The following DMD variants were observed in gnomAD, a reference collection of about 807,000 sequenced individuals.
DMD encodes the protein mutant dystrophin.
In DMD, 63 loss-of-function variants were observed where a neutral mutation model predicts 330.1. That is an observed-to-expected ratio of 0.19 (90% CI 0.16 to 0.24). The LOEUF is 0.24. Ranked by LOEUF, DMD falls within the 10% of genes least tolerant of loss-of-function variation. DMD has a pLI of 1.00. For synonymous variants in DMD, 1,223 were observed against 959.8 expected (o/e 1.27, Z -5.07); for missense variants, 3,344 against 2,684.1 (o/e 1.25, Z -5.43).
chrX:31,573,540 C>T (rs2075932927), intron 55 of DMD, among the ~76,000 whole-genome samples: 1 of 111,806 alleles, frequency 8.9e-6, no homozygotes, highest in Non-Finnish European at 1.9e-5. Flanking sequence ...TATCAAAAGA[C>T]ATGATAATCA....
In DMD at chrX:31,800,489, G is replaced by GT. The variant is rs201261716; in HGVS notation, c.7309+19485dup. On this transcript the variant is annotated intron_variant, in intron 50 of 78. Coordinates refer to ENST00000357033, the MANE Select transcript of DMD (RefSeq NM_004006.3). ...AGCAGCACGGCCCTGTGCCTGGCCC[G>GT]TGAAACCATGTTTTCCTTTTAGGCC... Among the ~76,000 whole-genome samples the GT allele has an allele frequency of 5.8e-3, 654 of 112,037 alleles. 4 individuals carry two copies. The highest frequency in any genetic ancestry group is 0.032 in the Middle Eastern group (7 of 217).
intron 2 of DMD, among the ~76,000 whole-genome samples, chrX:32,885,501 C>A (rs1324608097): frequency 9.0e-6 from 1 of 111,366 alleles, no homozygotes; most frequent in East Asian, 2.8e-4. Flanking sequence ...AAAACATGCA[C>A]ATTACTTTTT....
chrX:33,220,194 C>T (rs1015184537), intron 1 of DMD, among the ~76,000 whole-genome samples: 4 of 111,189 alleles, frequency 3.6e-5, no homozygotes, highest in Non-Finnish European at 5.7e-5. Context: ...GTTGGTGATA[C>T]AAATGAAGAG....
At chrX:31,435,612 C>G (rs1036910683) in intron 60 of DMD, 8 of 111,914 alleles carry the variant, frequency 7.1e-5, no homozygotes, top group African/African-American at 2.6e-4. Context: ...ATGGAGTTGG[C>G]TTTAACACGC....
intron 52 of DMD, among the ~76,000 whole-genome samples, chrX:31,681,243 G>A (rs1195134869): frequency 1.8e-5 from 2 of 111,917 alleles, no homozygotes; most frequent in Non-Finnish European, 3.8e-5. Flanking sequence ...CTGGACATAC[G>A]TGTTCTTCTA....
intron 50 of DMD, among the ~76,000 whole-genome samples, chrX:31,809,112 TATATATATGAGTTTATATATAA>T (rs1318194400): frequency 1.2e-3 from 131 of 106,486 alleles, no homozygotes; most frequent in Middle Eastern, 9.9e-3. Context: ...AAATCTCTTA[TATATATATGAGTTTATATATAA>T]ATATATATGA....
intron 54 of DMD, among the ~76,000 whole-genome samples, chrX:31,631,897 T>A (rs1303700226): frequency 9.0e-6 from 1 of 111,580 alleles, no homozygotes; most frequent in African/African-American, 3.3e-5. Flanking sequence ...CAGGTTTGCA[T>A]TATCATCAGT....
At chrX:32,881,731 CAT>C (rs987365504) in intron 2 of DMD, among the ~76,000 whole-genome samples, 1 of 111,926 alleles carries the variant, frequency 8.9e-6, no homozygotes, top group African/African-American at 3.2e-5. Context: ...AATTATTTTC[CAT>C]ATATCTTATT....
At chrX:32,080,072 CATAAT>C (rs1439458168) in intron 44 of DMD, among the ~76,000 whole-genome samples, 2 of 112,367 alleles carry the variant, frequency 1.8e-5, no homozygotes, top group African/African-American at 6.5e-5. Context: ...TTTAAAATCT[CATAAT>C]ATAAGAGGAA....
At chrX:31,922,519 T>A (rs1569513354) in intron 47 of DMD, among the ~76,000 whole-genome samples, 1 of 107,420 alleles carries the variant, frequency 9.3e-6, no homozygotes, top group Non-Finnish European at 1.9e-5. Flanking sequence ...TGTGTGTGTG[T>A]GTGTGTGCGC....
chrX:31,726,031 G>T, intron 52 of DMD, among the ~76,000 whole-genome samples: 1 of 111,926 alleles, frequency 8.9e-6, no homozygotes, highest in East Asian at 2.8e-4. Context: ...AGAAGAAAAT[G>T]GCCAGGAATG....
chrX:32,890,612 A>G (rs1008845463), intron 2 of DMD, among the ~76,000 whole-genome samples: 4 of 111,282 alleles, frequency 3.6e-5, no homozygotes, highest in Non-Finnish European at 7.5e-5. Flanking sequence ...AAGCAAACAA[A>G]AAGTACCAGC....
At chrX:32,569,898 C>T (rs1431451275) in intron 15 of DMD, among the ~76,000 whole-genome samples, 2 of 111,525 alleles carry the variant, frequency 1.8e-5, no homozygotes, top group African/African-American at 3.3e-5. Flanking sequence ...GATCTTCCCA[C>T]GATAATTTAC....
intron 47 of DMD, among the ~76,000 whole-genome samples, chrX:31,878,815 T>C (rs1381356258): frequency 9.8e-5 from 11 of 112,319 alleles, no homozygotes; most frequent in African/African-American, 2.9e-4. Context: ...GCTTCATCTA[T>C]TGCACTGGCA....
At chrX:32,793,922 C>T (rs1396627934) in intron 7 of DMD, among the ~76,000 whole-genome samples, 1 of 111,186 alleles carries the variant, frequency 9.0e-6, no homozygotes, top group Non-Finnish European at 1.9e-5. Flanking sequence ...GATGCCAAAC[C>T]CAGACAATTA....
rs753373251 is a variant in DMD, at chrX:31,598,536, CTAGT to C, written c.8217+29133_8217+29136del. Among the ~76,000 whole-genome samples, 66 of 111,697 alleles carry C rather than the reference CTAGT, an allele frequency of 5.9e-4. No individual in the cohort carries two copies. The South Asian group carries it at 0.024, about 41-fold the overall frequency. On this transcript the variant is annotated intron_variant, in intron 55 of 78. Coordinates refer to ENST00000357033, the MANE Select transcript of DMD (RefSeq NM_004006.3). ...TACTGAACAGAGATCAAAAACCCACCTAGTTAAACAGGAAATAAGACTAATAAAA... is the reference window on the plus strand; with the variant it reads ...TACTGAACAGAGATCAAAAACCCACCTAAACAGGAAATAAGACTAATAAAA...
intron 1 of DMD, among the ~76,000 whole-genome samples, chrX:33,241,237 A>G (rs961773930): frequency 8.9e-6 from 1 of 111,749 alleles, no homozygotes; most frequent in Non-Finnish European, 1.9e-5. Flanking sequence ...ATTTTTGTAC[A>G]TGGTCTGATA....
chrX:32,733,168 G>A (rs1263125286), intron 7 of DMD, among the ~76,000 whole-genome samples: 2 of 109,980 alleles, frequency 1.8e-5, no homozygotes, highest in African/African-American at 3.4e-5. Flanking sequence ...GACAAAGAAG[G>A]CCATTACATA....
At position 33,254,175 on chromosome X, in the gene DMD, G is replaced by A. The variant is rs191805369; in HGVS notation, c.7+85084C>T. Reference sequence around the variant, plus strand: ...CCTATATTTTAACAGTACTGGTAATGCTTAATTATACACAAATTTGCTTTA... The same window carrying A: ...CCTATATTTTAACAGTACTGGTAATACTTAATTATACACAAATTTGCTTTA... On this transcript the variant is annotated intron_variant, in intron 1 of 17. Coordinates refer to the DMD transcript ENST00000288447. Among the ~76,000 whole-genome samples, 28 of 100,038 alleles carry A rather than the reference G, an allele frequency of 2.8e-4. No individual in the cohort carries two copies. The East Asian group carries it at 4.9e-3, about 17-fold the overall frequency. 86.9% of individuals were successfully genotyped at this position (100,038 alleles called of 115,157 possible).
Sources: gnomAD v4.1 joint callset for allele counts (sites outside exome capture counted in the v4.1 genomes callset) on GRCh38, gnomAD v4.1.1 for gene constraint, MANE v1.5 for transcripts, NCBI Gene and HGNC (gene_info 2026-07-23, HGNC 2026-07-21) for gene names.